SLC47A2: variants seen among roughly 807,000 people sequenced by gnomAD.
SLC47A2 encodes the protein solute carrier family 47 member 2, also known as multidrug and toxin extrusion protein 2.
SLC47A2 carries 52 observed loss-of-function variants against 67.7 expected under a neutral mutation model. The observed-to-expected ratio is 0.77, with a 90% CI of 0.61 to 0.97. The LOEUF (loss-of-function observed/expected upper bound fraction) is 0.97. Among genes scored for constraint, SLC47A2 ranks in the 50% least tolerant of loss-of-function variants. The pLI is 0.00. For synonymous variants in SLC47A2, 278 were observed against 292.9 expected, an observed-to-expected ratio of 0.95 and a Z score of 0.52; for missense variants, 676 against 712.3, an observed-to-expected ratio of 0.95 and a Z score of 0.58.
intron 13 of SLC47A2, among the ~76,000 whole-genome samples, chr17:19,692,626 G>T (rs1376325736): frequency 1.3e-5 from 2 of 152,148 alleles, no homozygotes; most frequent in Non-Finnish European, 1.5e-5. Context: ...AATAATGTCA[G>T]TTCTTCACAA....
At position 19,705,485 on chromosome 17, in the gene SLC47A2, T is replaced by C; in HGVS notation, c.860A>G (p.Asp287Gly). The C allele has an allele frequency of 6.2e-7, 1 of 1,610,362 alleles. No individual in the cohort carries two copies. The highest frequency in any genetic ancestry group is 8.5e-7 in the Non-Finnish European group (1 of 1,178,992). ...GTAGATGACAGCCTGGGCAGAGAGA[T>C]CCACCACACTGAGCAGCCCTAGAGA... Reference protein sequence around the residue: ...SFLMGLLSVVDLSAQAVIYEV... With the variant: ...SFLMGLLSVVGLSAQAVIYEV... Residue 287 changes from aspartate to glycine, a missense_variant, in exon 10 of 17, where the codon GAT becomes GGT. Physicochemically the swap from Asp to Gly is moderately conservative, Grantham distance 94. Coordinates refer to ENST00000433844, the MANE Select transcript of SLC47A2 (RefSeq NM_001099646.3).
rs770906200 is a variant in SLC47A2, at chr17:19,706,657, A to G, written c.832T>C (p.Phe278Leu). The G allele has an allele frequency of 4.4e-6, 7 of 1,596,568 alleles. 1 individual carries two copies. The South Asian group carries it at 6.7e-5, about 15-fold the overall frequency. ...ATCCTCTTCCACGTACCCATGAGGA[A>G]GCTCCCGATCTCATAGGCCCACCAC... ...VEWWAYEIGS[F>L]LMGLLSVVDL... Residue 278 changes from phenylalanine to leucine, a missense_variant, in exon 9 of 17, where the codon TTC becomes CTC. Physicochemically the swap from Phe to Leu is conservative, Grantham distance 22 (BLOSUM62 0). Transcript: ENST00000433844.
intron 8 of SLC47A2, 30 bp downstream of exon 8, chr17:19,707,716 C>G (rs1054037095): frequency 6.4e-7 from 1 of 1,559,386 alleles, no homozygotes; most frequent in Non-Finnish European, 8.7e-7. Flanking sequence ...CTGGCCTGCT[C>G]AGCCTCCCAG....
At chr17:19,700,228 A>G (rs916515408) in intron 13 of SLC47A2, among the ~76,000 whole-genome samples, 1 of 152,248 alleles carries the variant, frequency 6.6e-6, no homozygotes, top group African/African-American at 2.4e-5. Flanking sequence ...GTATACTTAT[A>G]TATGAATTTT....
intron 7 of SLC47A2, 110 bp from the exon 8 acceptor site, chr17:19,707,953 T>C (rs945590864): frequency 9.7e-7 from 1 of 1,025,740 alleles, no homozygotes. Context: ...GGCATGGCTC[T>C]GCTCTTCCCC....
At chr17:19,686,905 C>T (rs746486565) in intron 13 of SLC47A2, among the ~76,000 whole-genome samples, 1 of 152,130 alleles carries the variant, frequency 6.6e-6, no homozygotes, top group African/African-American at 2.4e-5. Context: ...AGAAGGTCAA[C>T]ATAGAAACAT....
chr17:19,679,359 G>A (rs1597582694), intron 16 of SLC47A2, among the ~76,000 whole-genome samples: 1 of 152,228 alleles, frequency 6.6e-6, no homozygotes, highest in Admixed American at 6.5e-5. Context: ...TGGGCCATGT[G>A]CACACACGCC....
upstream of SLC47A2, chr17:19,716,642 C>T (rs988171520): frequency 3.6e-5 from 53 of 1,461,884 alleles, no homozygotes; most frequent in Admixed American, 1.1e-4. Context: ...CTGGGCAGCC[C>T]GTGTCGGTAC....
chr17:19,702,500 G>T, intron 13 of SLC47A2, 105 bp downstream of exon 13: 1 of 1,545,564 alleles, frequency 6.5e-7, no homozygotes, highest in Non-Finnish European at 8.8e-7. Flanking sequence ...AGCCCTTCAT[G>T]TGTATTAACA....
At chr17:19,711,686 T>C (rs1275244347) in intron 5 of SLC47A2, among the ~76,000 whole-genome samples, 1 of 151,606 alleles carries the variant, frequency 6.6e-6, no homozygotes, top group Non-Finnish European at 1.5e-5. Context: ...TAATAGTCTA[T>C]GCTAGTGGAA....
At chr17:19,706,541 C>A in intron 9 of SLC47A2, 107 bp downstream of exon 9, 1 of 916,814 alleles carries the variant, frequency 1.1e-6, no homozygotes, top group Non-Finnish European at 1.6e-6. Flanking sequence ...AGCTGCCATC[C>A]TGGGGAGGGG....
At chr17:19,681,057 C>A (rs188674037) in intron 15 of SLC47A2, among the ~76,000 whole-genome samples, 23 of 151,966 alleles carry the variant, frequency 1.5e-4, no homozygotes, top group Admixed American at 1.2e-3. Context: ...ACTAAAAATA[C>A]AAAAAATTAG....
At chr17:19,718,691 C>T (rs1306083391), upstream of SLC47A2, 1 of 152,236 alleles carries the variant, frequency 6.6e-6, no homozygotes, top group Non-Finnish European at 1.5e-5. Context: ...GGGTTTGACC[C>T]TGGGGAGGAG....
chr17:19,711,033 T>G (rs1166226042), intron 5 of SLC47A2, among the ~76,000 whole-genome samples: 1 of 151,280 alleles, frequency 6.6e-6, no homozygotes, highest in Non-Finnish European at 1.5e-5. Context: ...GGTCTCAAAC[T>G]CCCAACCTCA....
At chr17:19,705,321 G>A (rs879032264) in intron 10 of SLC47A2, 115 bp downstream of exon 10, 65 of 1,167,234 alleles carry the variant, frequency 5.6e-5, no homozygotes, top group Non-Finnish European at 7.3e-5. Flanking sequence ...CGAGAGGCCC[G>A]GGGAGGGTCC....
In SLC47A2 at chr17:19,685,184, C is replaced by A. The variant is rs868150867; in HGVS notation, c.1165-3514G>T. Among the ~76,000 whole-genome samples, 1 of 152,094 alleles carries A rather than the reference C, an allele frequency of 6.6e-6. No homozygotes were observed. Among genetic ancestry groups the A allele is most frequent in the Non-Finnish European group, 1.5e-5 (1 of 68,002 alleles). The stretch of plus-strand genomic sequence containing the variant: ...AGGCTGGAGTGCAGTGGCGTGATCT[C>A]GGCTTGCTACAACCTCCATCTCCCA... On this transcript the variant is annotated intron_variant, in intron 13 of 16. Transcript: ENST00000433844. The surrounding 1 kb of genome is among the most constrained non-coding windows in gnomAD (Gnocchi z 4.5).
chr17:19,699,467 G>T (rs768366556), intron 13 of SLC47A2, among the ~76,000 whole-genome samples: 3 of 151,868 alleles, frequency 2.0e-5, no homozygotes, highest in Admixed American at 6.6e-5. Context: ...TATAGCCTTG[G>T]ACTGTTGGGC....
Position 19,681,410 on chromosome 17 carries a change from A to G in SLC47A2, c.1349T>C (p.Val450Ala). 6.2e-7 allele frequency: 1 copy of G among 1,613,432 alleles called. No homozygotes were observed. The highest frequency in any genetic ancestry group is 8.5e-7 in the Non-Finnish European group (1 of 1,179,720). ...CCAGTCCAGCCGGGCAGTATAAGCAACAAAGGCAGCAGTTGCCAGGAAGAC... is the reference window on the plus strand; with the variant it reads ...CCAGTCCAGCCGGGCAGTATAAGCAGCAAAGGCAGCAGTTGCCAGGAAGAC... ...ACVFLATAAF[V>A]AYTARLDWKL... Residue 450 changes from valine to alanine, a missense_variant, in exon 15 of 17, where the codon GTT becomes GCT. Physicochemically the swap from Val to Ala is moderately conservative, Grantham distance 64. Coordinates refer to ENST00000433844, the MANE Select transcript of SLC47A2 (RefSeq NM_001099646.3).
intron 13 of SLC47A2, among the ~76,000 whole-genome samples, chr17:19,690,575 GA>G (rs915489542): frequency 2.0e-5 from 3 of 151,916 alleles, no homozygotes; most frequent in African/African-American, 7.3e-5. Context: ...CAACTCTATA[GA>G]AAAAAATCTA....
Sources: gnomAD v4.1 joint callset for allele counts (sites outside exome capture counted in the v4.1 genomes callset) on GRCh38, gnomAD v4.1.1 for gene constraint, Gnocchi (gnomAD v3.1) non-coding constraint, MANE v1.5 for transcripts, NCBI Gene and HGNC (gene_info 2026-07-23, HGNC 2026-07-21) for gene names.